SMG5: variants seen among roughly 807,000 people sequenced by gnomAD.
The protein encoded by SMG5 is nonsense-mediated mRNA decay factor SMG5.
A neutral mutation model predicts 122.9 loss-of-function variants in SMG5; 53 were observed. The ratio of observed to expected loss-of-function variants is 0.43; its 90% CI spans 0.35 to 0.54. The LOEUF is 0.54. Among genes scored for constraint, SMG5 ranks in the 20% least tolerant of loss-of-function variants. The pLI is 0.01. For missense variants in SMG5, 1,153 were observed against 1,285.6 expected (o/e 0.90, Z 1.58); for synonymous variants, 477 against 490.2 (o/e 0.97, Z 0.35).
chr1:156,251,296 C>A (rs750519532), intron 20 of SMG5, 107 bp downstream of exon 20: 11 of 1,323,132 alleles, frequency 8.3e-6, no homozygotes, highest in Non-Finnish European at 1.2e-5. Flanking sequence ...TGGCAGGCTA[C>A]GTGTGGAGCC....
At chr1:156,263,159 A>G (rs1013302185) in intron 13 of SMG5, among the ~76,000 whole-genome samples, 4 of 152,224 alleles carry the variant, frequency 2.6e-5, no homozygotes, top group Admixed American at 6.5e-5. Context: ...AGCATTGGGG[A>G]TACAAAGCAA....
At chr1:156,286,204 T>C (rs1295548013), upstream of SMG5, 17 of 1,565,126 alleles carry the variant, frequency 1.1e-5, no homozygotes, top group Middle Eastern at 2.0e-4. Flanking sequence ...GCTTACTGCC[T>C]CTTGTGCCCT....
chr1:156,266,657 G>A lies in SMG5; in HGVS notation c.1139C>T (p.Ala380Val). 5 of 1,614,208 alleles carry A rather than the reference G, an allele frequency of 3.1e-6. No individual in the cohort carries two copies. Among genetic ancestry groups the A allele is most frequent in the Non-Finnish European group, 4.2e-6 (5 of 1,180,038 alleles). The change falls in exon 11 of 22, where the codon GCC (alanine) becomes GTC (valine). Residue 380 changes from alanine (A) to valine (V), a missense_variant. Ala to Val is a moderately conservative substitution (Grantham distance 64). Transcript: ENST00000361813. The stretch of plus-strand genomic sequence containing the variant: ...AAAGAGGGCCAGGGTGAAGGCAATG[G>A]CTGCACTGTACTGCTTGGATCCTGA... ...ERAGSKQYSA[A>V]IAFTLALFSH... is the part of the protein sequence containing the mutation.
chr1:156,286,921 G>A (rs569899588), upstream of SMG5, among the ~76,000 whole-genome samples: 17 of 152,172 alleles, frequency 1.1e-4, no homozygotes, highest in South Asian at 3.3e-3. Flanking sequence ...TCAGGAGTTC[G>A]AGACCAGCCT....
At chr1:156,258,264 G>A (rs1389391542) in intron 16 of SMG5, among the ~76,000 whole-genome samples, 1 of 152,182 alleles carries the variant, frequency 6.6e-6, no homozygotes, top group Non-Finnish European at 1.5e-5. Context: ...GGAACAGAGG[G>A]AGCATTTGCT....
intron 19 of SMG5, 74 bp downstream of exon 19, chr1:156,252,339 AG>A: frequency 7.1e-7 from 1 of 1,407,612 alleles, no homozygotes; most frequent in Non-Finnish European, 1.0e-6. Flanking sequence ...ATAGGGAGCA[AG>A]GGGCTTTCAT....
chr1:156,278,284 G>C (rs1190222428), intron 2 of SMG5, among the ~76,000 whole-genome samples: 1 of 151,540 alleles, frequency 6.6e-6, no homozygotes, highest in Non-Finnish European at 1.5e-5. Flanking sequence ...TTTTCCCTTT[G>C]TACACTTCGC....
chr1:156,258,536 G>T (rs1035619089), intron 16 of SMG5, among the ~76,000 whole-genome samples: 1 of 152,218 alleles, frequency 6.6e-6, no homozygotes, highest in African/African-American at 2.4e-5. Context: ...GGTGGCTCAT[G>T]CCTGTAATCC....
chr1:156,276,694 T>G (rs1284896913), intron 4 of SMG5, among the ~76,000 whole-genome samples: 1 of 152,236 alleles, frequency 6.6e-6, no homozygotes, highest in East Asian at 1.9e-4. Context: ...TGAAAGACTG[T>G]CCACAATTTT....
chr1:156,277,107 G>A lies in SMG5; in HGVS notation c.432C>T (p.Thr144=). Residue 144 remains threonine, a synonymous_variant, in exon 4 of 22, where the codon ACC becomes ACT. Transcript: ENST00000361813. ...GACCTATGAGGGGGTCAGTGACATG[G>A]GTCCAGTCGATGCAGCACTGCAGTT... The part of the protein sequence containing the change: ...QLELQCCIDW[T]HVTDPLIGCK... 2 of 1,613,692 alleles carry A rather than the reference G, an allele frequency of 1.2e-6. No individual in the cohort carries two copies. Among genetic ancestry groups the A allele is most frequent in the Non-Finnish European group, 1.7e-6 (2 of 1,179,840 alleles).
chr1:156,255,966 G>T lies in SMG5; in HGVS notation c.2443-2458C>A, dbSNP rs1211723569. ...CACATCACACAAACCCAAATTGAGG[G>T]ACACTATGAAATAACTGACCAGTAC... On this transcript the variant is annotated intron_variant, in intron 16 of 21. Transcript: ENST00000361813. Among the ~76,000 whole-genome samples the T allele has an allele frequency of 2.0e-5, 3 of 152,050 alleles. No homozygotes were observed. The South Asian group carries it at 6.2e-4, about 31-fold the overall frequency.
chr1:156,258,940 T>C, intron 16 of SMG5, 65 bp downstream of exon 16: 1 of 1,595,512 alleles, frequency 6.3e-7, no homozygotes, highest in Non-Finnish European at 8.5e-7. Flanking sequence ...TCTGAGCCTC[T>C]TGCCCTGGTT....
At chr1:156,285,526 G>A (rs1004379749), upstream of SMG5, 2 of 1,614,082 alleles carry the variant, frequency 1.2e-6, no homozygotes, top group Non-Finnish European at 1.7e-6. Context: ...TTGAACCAGA[G>A]CCCCCTGAGT....
chr1:156,277,800 C>T lies in SMG5; in HGVS notation c.297+125G>A, dbSNP rs1662749647. 12 of 1,291,516 alleles carry T rather than the reference C, an allele frequency of 9.3e-6. No individual in the cohort carries two copies. In the South Asian group the frequency reaches 1.4e-4, roughly 15 times the overall value. The allele number at this position is 1,291,516 out of a possible 1,614,324, so 80.0% of individuals were successfully genotyped here. A position where few individuals can be genotyped will look rare whatever the true frequency, so the allele number is the denominator to read the frequency against. ...GTGCTGGGATTACACGCATGAGCCA[C>T]CGTGCCCAGCCTCTTACTGCCATGT... On this transcript the variant is annotated intron_variant, in intron 3 of 21. Coordinates refer to ENST00000361813, the MANE Select transcript of SMG5 (RefSeq NM_015327.3).
At chr1:156,262,631 A>G (rs952752193) in intron 13 of SMG5, among the ~76,000 whole-genome samples, 3 of 152,118 alleles carry the variant, frequency 2.0e-5, no homozygotes, top group Admixed American at 1.3e-4. Context: ...ATACTGGAAC[A>G]CCTCTCTAGG....
At chr1:156,260,385 C>G in intron 15 of SMG5, 66 bp downstream of exon 15, 1 of 1,559,274 alleles carries the variant, frequency 6.4e-7, no homozygotes, top group East Asian at 2.4e-5. Context: ...CTCCCCAGAT[C>G]TGAACCCATT....
At chr1:156,263,299 C>G in intron 13 of SMG5, 96 bp downstream of exon 13, 1 of 1,373,544 alleles carries the variant, frequency 7.3e-7, no homozygotes, top group Non-Finnish European at 1.0e-6. Context: ...TAATTCTTGC[C>G]TTGGCCATCA....
Position 156,250,543 on chromosome 1 carries a change from G to A in SMG5, c.*44C>T, listed in dbSNP as rs147296090. 17,239 of 1,548,780 alleles carry A rather than the reference G, an allele frequency of 0.011. 141 individuals are homozygous for A. Among genetic ancestry groups the A allele is most frequent in the South Asian group, 0.029 (2,610 of 89,700 alleles). On this transcript the variant is annotated 3_prime_UTR_variant, in exon 22 of 22. Transcript: ENST00000361813. The stretch of plus-strand genomic sequence containing the variant: ...TGGTCCTGGCTGCCAGGGAGGGCAG[G>A]AGAGATCTGGAGTCAGCCCCACTGC...
At chr1:156,259,283 A>G (rs1437965842) in intron 15 of SMG5, 120 bp from the exon 16 acceptor site, 9 of 1,074,384 alleles carry the variant, frequency 8.4e-6, no homozygotes, top group Non-Finnish European at 1.1e-5. Context: ...CTCAGCCAAC[A>G]AGGGCTCCAG....
Sources: allele counts gnomAD v4.1 joint callset (sites outside exome capture counted in the v4.1 genomes callset), GRCh38; gene constraint gnomAD v4.1.1; transcripts MANE v1.5; gene names NCBI Gene and HGNC (gene_info 2026-07-23, HGNC 2026-07-21).